HFM1: variants seen among roughly 807,000 people sequenced by gnomAD.
HFM1 encodes probable ATP-dependent DNA helicase HFM1.
Under a neutral mutation model 192.1 loss-of-function variants are expected in HFM1, and 169 were observed. The observed-to-expected ratio is 0.88, with a 90% CI of 0.78 to 1.00. The LOEUF is 1.00. Ranked by LOEUF, HFM1 falls within the 50% of genes least tolerant of loss-of-function variation. The pLI is 0.00. For synonymous variants in HFM1, 525 were observed against 537.8 expected, an observed-to-expected ratio of 0.98 and a Z score of 0.33; for missense variants, 1,661 against 1,668.0, an observed-to-expected ratio of 1.00 and a Z score of 0.07.
intron 2 of HFM1, among the ~76,000 whole-genome samples, chr1:91,397,373 T>C (rs1477440826): frequency 6.6e-6 from 1 of 152,174 alleles, no homozygotes; most frequent in African/African-American, 2.4e-5. Flanking sequence ...TCCTTTCCCA[T>C]CAAAGTTGAC....
Position 91,312,518 on chromosome 1 carries a change from G to C in HFM1, c.3391+831C>G, listed in dbSNP as rs556286319. Among the ~76,000 whole-genome samples the C allele has an allele frequency of 2.6e-5, 4 of 152,242 alleles. No individual in the cohort carries two copies. In the East Asian group the frequency reaches 7.7e-4, roughly 29 times the overall value. ...TGGGGCCTGTAAGCCCTTTGTTTTG[G>C]CCAATTTCTCCCATTTGGAATGACT... is the stretch of plus-strand genomic sequence containing the variant. On this transcript the variant is annotated intron_variant, in intron 30 of 38. Transcript: ENST00000370425.
intron 4 of HFM1, among the ~76,000 whole-genome samples, chr1:91,392,447 G>A (rs1488943353): frequency 6.6e-6 from 1 of 152,136 alleles, no homozygotes; most frequent in Non-Finnish European, 1.5e-5. Context: ...TCCTTTGCAG[G>A]GACATGGATG....
At chr1:91,354,363 G>A (rs1267980962) in intron 13 of HFM1, among the ~76,000 whole-genome samples, 1 of 151,916 alleles carries the variant, frequency 6.6e-6, no homozygotes, top group Non-Finnish European at 1.5e-5. Flanking sequence ...AAGCAAACAA[G>A]TATTCATATT....
intron 30 of HFM1, among the ~76,000 whole-genome samples, chr1:91,290,555 T>C (rs929830438): frequency 2.0e-5 from 3 of 152,038 alleles, no homozygotes; most frequent in African/African-American, 7.3e-5. Flanking sequence ...ATAAAGCAAG[T>C]CCTGAGTGAC....
chr1:91,348,386 C>A (rs1370966998), intron 18 of HFM1, among the ~76,000 whole-genome samples: 1 of 152,034 alleles, frequency 6.6e-6, no homozygotes, highest in Non-Finnish European at 1.5e-5. Context: ...GATATATGAG[C>A]TACTAAGGTA....
rs1665107144 is a variant in HFM1, at chr1:91,260,951, T to G, written c.*339A>C. ...TTTCATAGAATATTTTTCTTCTTGT[T>G]AAGAAAATATAAAAATGAAATTTTA... is the stretch of plus-strand genomic sequence containing the variant. On this transcript the variant is annotated 3_prime_UTR_variant, in exon 39 of 39. Transcript: ENST00000370425. 1 of 161,710 alleles carries G rather than the reference T, an allele frequency of 6.2e-6. No homozygotes were observed. The highest frequency in any genetic ancestry group is 1.3e-5 in the Non-Finnish European group (1 of 74,076). The allele number at this position is 161,710 out of a possible 1,614,324, so 10.0% of individuals were successfully genotyped here.
chr1:91,305,861 C>A (rs1194257114), intron 30 of HFM1, among the ~76,000 whole-genome samples: 1 of 152,146 alleles, frequency 6.6e-6, no homozygotes. Context: ...AGCCACTGCA[C>A]CCAGCCCCCT....
At chr1:91,286,577 A>C (rs949514355) in intron 30 of HFM1, among the ~76,000 whole-genome samples, 10 of 152,234 alleles carry the variant, frequency 6.6e-5, no homozygotes, top group Admixed American at 1.3e-4. Flanking sequence ...GGATGCAGTC[A>C]TATTGGATTA....
intron 20 of HFM1, among the ~76,000 whole-genome samples, chr1:91,336,642 A>AC (rs1654610708): frequency 6.6e-6 from 1 of 152,254 alleles, no homozygotes; most frequent in Admixed American, 6.5e-5. Flanking sequence ...GGGAGTGTAA[A>AC]TAAGTTCAAC....
intron 18 of HFM1, among the ~76,000 whole-genome samples, chr1:91,348,905 C>G (rs188724014): frequency 1.4e-4 from 21 of 152,036 alleles, no homozygotes; most frequent in South Asian, 1.0e-3. Context: ...GCCTGGGCAA[C>G]AGAGTGACAG....
intron 30 of HFM1, among the ~76,000 whole-genome samples, chr1:91,302,602 T>C (rs1051193702): frequency 2.6e-5 from 4 of 152,154 alleles, no homozygotes; most frequent in African/African-American, 9.6e-5. Context: ...ACTATGCAGC[T>C]ATAAAAAATG....
intron 13 of HFM1, among the ~76,000 whole-genome samples, chr1:91,364,626 A>ATTT (rs1468902149): frequency 0.017 from 713 of 43,174 alleles, 12 homozygotes; most frequent in African/African-American, 0.047. Flanking sequence ...ATATATATAT[A>ATTT]TATATATTTT....
chr1:91,327,554 T>C (rs1021851189), intron 20 of HFM1, among the ~76,000 whole-genome samples: 8 of 152,170 alleles, frequency 5.3e-5, no homozygotes, highest in Non-Finnish European at 1.2e-4. Context: ...CACCCCACTT[T>C]CAGCACTGAA....
intron 20 of HFM1, among the ~76,000 whole-genome samples, chr1:91,339,587 GA>G (rs1359812006): frequency 6.6e-6 from 1 of 151,794 alleles, no homozygotes; most frequent in Non-Finnish European, 1.5e-5. Flanking sequence ...CTCAGTCAGA[GA>G]AAAATACAGA....
At chr1:91,269,202 G>C (rs1369421062) in intron 34 of HFM1, among the ~76,000 whole-genome samples, 2 of 151,992 alleles carry the variant, frequency 1.3e-5, no homozygotes, top group Non-Finnish European at 2.9e-5. Context: ...AATTGAATAA[G>C]AAGTTGGGAA....
At chr1:91,331,613 T>TG (rs1287128029) in intron 20 of HFM1, among the ~76,000 whole-genome samples, 1 of 152,172 alleles carries the variant, frequency 6.6e-6, no homozygotes, top group Non-Finnish European at 1.5e-5. Context: ...TATAAAACAC[T>TG]GGTTGGGTGC....
rs1221400995 is a variant in HFM1, at chr1:91,385,773, A to C, written c.556T>G (p.Ser186Ala). ...ACAATTTTCACTGAGCCAATGTGAG[A>C]GTCCAATTCATTGTCATTAGAATAA... ...SAYSNDNELD[S>A]HIGSVKIVQT... The change falls in exon 5 of 39, where the codon TCT becomes GCT. Residue 186 changes from serine to alanine, a missense_variant. Ser to Ala is a moderately conservative substitution (Grantham distance 99). Coordinates refer to ENST00000370425, the MANE Select transcript of HFM1 (RefSeq NM_001017975.6). 1 of 1,607,184 alleles carries C rather than the reference A, an allele frequency of 6.2e-7. No individual in the cohort carries two copies.
intron 30 of HFM1, among the ~76,000 whole-genome samples, chr1:91,277,666 AAT>A (rs1294270588): frequency 7.7e-6 from 1 of 129,682 alleles, no homozygotes; most frequent in Non-Finnish European, 1.6e-5. Flanking sequence ...TAATATATAT[AAT>A]ATATACACTA....
chr1:91,291,820 C>T (rs573583326), intron 30 of HFM1, among the ~76,000 whole-genome samples: 178 of 152,016 alleles, frequency 1.2e-3, no homozygotes, highest in African/African-American at 3.6e-3. Flanking sequence ...ACTGGCAAAC[C>T]GAATCCAGCA....
Sources: gnomAD v4.1 joint callset for allele counts (sites outside exome capture counted in the v4.1 genomes callset) on GRCh38, gnomAD v4.1.1 for gene constraint, MANE v1.5 for transcripts, NCBI Gene and HGNC (gene_info 2026-07-23, HGNC 2026-07-21) for gene names.